The following ZNF569 variants were observed in gnomAD, a reference collection of about 807,000 sequenced individuals.
ZNF569 encodes the protein DNA-binding protein.
ZNF569 carries 38 observed loss-of-function variants against 56.3 expected under a neutral mutation model. The observed-to-expected ratio is 0.68, with a 90% CI of 0.52 to 0.88. ZNF569 has a LOEUF of 0.88. Ranked by LOEUF, ZNF569 falls within the 40% of genes least tolerant of loss-of-function variation. ZNF569 has a pLI of 0.00. For synonymous variants in ZNF569, 241 were observed against 262.9 expected (o/e 0.92, Z 0.81); for missense variants, 666 against 809.2 (o/e 0.82, Z 2.15).
chr19:37,467,510 T>C, upstream of ZNF569: 1 of 257,834 alleles, frequency 3.9e-6, no homozygotes, highest in South Asian at 9.9e-5. Flanking sequence ...AAAAAGGCAC[T>C]TCCTTCTTAC....
At chr19:37,427,807 T>C (rs548976776) in intron 3 of ZNF569, 1 of 517,548 alleles carries the variant, frequency 1.9e-6, no homozygotes, top group African/African-American at 1.9e-5. Context: ...GGGAGGAAGA[T>C]CCAAATAAGC....
intron 3 of ZNF569, among the ~76,000 whole-genome samples, chr19:37,427,049 G>A (rs771567172): frequency 1.2e-4 from 19 of 152,188 alleles, no homozygotes; most frequent in Non-Finnish European, 2.5e-4. Context: ...GGTATTACAT[G>A]GCTCATGCCT....
chr19:37,446,567 A>AAAAAAG lies in ZNF569; in HGVS notation c.-43-1604_-43-1603insCTTTTT, dbSNP rs1555839149. On this transcript the variant is annotated intron_variant, in intron 2 of 5. Transcript: ENST00000316950. ...TCCATCTCAAAAAAAAAAAAAAAAA[A>AAAAAAG]AAGAATGAAACTGGATCCTTATCTC... Among the ~76,000 whole-genome samples, 48 of 141,022 alleles carry AAAAAAG rather than the reference A, an allele frequency of 3.4e-4. 2 individuals carry two copies. Among genetic ancestry groups the AAAAAAG allele is most frequent in the African/African-American group, 8.0e-4 (29 of 36,390 alleles). 92.5% of individuals were successfully genotyped at this position (141,022 alleles called of 152,430 possible).
chr19:37,412,610 A>G lies in ZNF569; in HGVS notation c.2048T>C (p.Ile683Thr), dbSNP rs185322186. Reference sequence around the variant, plus strand: ...TTCATAGGGTTTCTAATGAGTATGAATTCTCTGGTGTCTAACAAGGTGCGA... The same window carrying G: ...TTCATAGGGTTTCTAATGAGTATGAGTTCTCTGGTGTCTAACAAGGTGCGA... ...QKSHLVRHQR[I>T]HTH is the part of the protein sequence containing the mutation. The change falls in exon 6 of 6, where the codon ATT (isoleucine) becomes ACT (threonine). Residue 683 changes from isoleucine (I) to threonine (T), a missense_variant. Ile to Thr is a moderately conservative substitution (Grantham distance 89). Coordinates refer to ENST00000316950, the MANE Select transcript of ZNF569 (RefSeq NM_152484.3). The G allele has an allele frequency of 1.2e-4, 189 of 1,600,164 alleles. 1 individual carries two copies. In the Middle Eastern group the frequency reaches 1.3e-3, roughly 11 times the overall value.
At chr19:37,434,224 C>T (rs1019163826) in intron 3 of ZNF569, among the ~76,000 whole-genome samples, 9 of 150,866 alleles carry the variant, frequency 6.0e-5, no homozygotes, top group South Asian at 2.1e-4. Flanking sequence ...CGCTTGAACC[C>T]GGGAGGCAGA....
At position 37,414,324 on chromosome 19, in the gene ZNF569, C is replaced by T. The variant is rs1438190869; in HGVS notation, c.334G>A (p.Gly112Ser). The T allele has an allele frequency of 1.2e-6, 2 of 1,613,304 alleles. No individual in the cohort carries two copies. Among genetic ancestry groups the T allele is most frequent in the Non-Finnish European group, 1.7e-6 (2 of 1,179,720 alleles). ...KFQKTLTEEK[G>S]NECQKKFANV... is the part of the protein sequence containing the mutation. ...GCAAATTTCTTTTGACATTCATTGCCTTTTTCTTCAGTCAGTGTTTTCTGG... is the reference window on the plus strand; with the variant it reads ...GCAAATTTCTTTTGACATTCATTGCTTTTTTCTTCAGTCAGTGTTTTCTGG... The change falls in exon 6 of 6, where the codon GGC becomes AGC. Residue 112 changes from glycine to serine, a missense_variant. Coordinates refer to ENST00000316950, the MANE Select transcript of ZNF569 (RefSeq NM_152484.3).
chr19:37,440,871 A>G (rs1233357971), intron 3 of ZNF569, among the ~76,000 whole-genome samples: 1 of 152,210 alleles, frequency 6.6e-6, no homozygotes, highest in Non-Finnish European at 1.5e-5. Context: ...GCAACAAAAG[A>G]ACAAATAAAT....
upstream of ZNF569, among the ~76,000 whole-genome samples, chr19:37,468,801 A>G (rs1356221559): frequency 6.6e-6 from 1 of 152,188 alleles, no homozygotes. Flanking sequence ...CCACCGTGCC[A>G]GGCTGAGGGT....
chr19:37,459,729 T>A (rs2146972562), intron 2 of ZNF569, among the ~76,000 whole-genome samples: 1 of 152,264 alleles, frequency 6.6e-6, no homozygotes, highest in South Asian at 2.1e-4. Flanking sequence ...AAGGCTATAA[T>A]GATAACAATG....
intron 2 of ZNF569, among the ~76,000 whole-genome samples, chr19:37,464,261 C>T (rs960736471): frequency 1.6e-4 from 24 of 152,170 alleles, no homozygotes; most frequent in African/African-American, 5.8e-4. Context: ...GCAATCTCAG[C>T]TCAATGCAAG....
At chr19:37,437,826 C>CA (rs1285001027) in intron 3 of ZNF569, among the ~76,000 whole-genome samples, 23 of 132,502 alleles carry the variant, frequency 1.7e-4, no homozygotes, top group Admixed American at 6.0e-4. Context: ...AGAGGACACA[C>CA]ACAAAAAAAT....
intron 2 of ZNF569, chr19:37,455,015 A>G: frequency 1.8e-6 from 1 of 564,742 alleles, no homozygotes. Context: ...GTACGGTAGA[A>G]GTTTGTAGTT....
intron 2 of ZNF569, among the ~76,000 whole-genome samples, chr19:37,451,559 C>T (rs1454138422): frequency 6.6e-6 from 1 of 152,058 alleles, no homozygotes; most frequent in East Asian, 1.9e-4. Context: ...TATTGTATTG[C>T]TGTATATTTC....
chr19:37,464,048 AAT>A (rs2041794593), intron 2 of ZNF569, among the ~76,000 whole-genome samples: 1 of 152,150 alleles, frequency 6.6e-6, no homozygotes, highest in African/African-American at 2.4e-5. Flanking sequence ...AAAAAAGAAA[AAT>A]GTTTTTATAA....
rs368461328 is a variant in ZNF569, at chr19:37,424,991, G to A, written c.238+877C>T. Among the ~76,000 whole-genome samples the A allele has an allele frequency of 4.6e-5, 7 of 150,934 alleles. No individual in the cohort carries two copies. The South Asian group carries it at 6.3e-4, about 14-fold the overall frequency. On this transcript the variant is annotated intron_variant, in intron 5 of 5. Coordinates refer to ENST00000316950, the MANE Select transcript of ZNF569 (RefSeq NM_152484.3). ...AAAAATTAGCAGGGTGTGGTGGCAC[G>A]TGCCTGTAGTCCCAGCTATCAGGAG...
At chr19:37,442,608 T>C (rs976299341) in intron 3 of ZNF569, among the ~76,000 whole-genome samples, 1 of 152,138 alleles carries the variant, frequency 6.6e-6, no homozygotes, top group East Asian at 1.9e-4. Context: ...GAATGGACTA[T>C]AGATGGTCAG....
intron 5 of ZNF569, among the ~76,000 whole-genome samples, chr19:37,416,044 G>A (rs1421846322): frequency 6.6e-6 from 1 of 151,790 alleles, no homozygotes; most frequent in East Asian, 1.9e-4. Flanking sequence ...ACCAGACTGA[G>A]CAACATGGCA....
intron 5 of ZNF569, among the ~76,000 whole-genome samples, chr19:37,425,147 C>A (rs2041105702): frequency 6.6e-6 from 1 of 151,684 alleles, no homozygotes; most frequent in African/African-American, 2.4e-5. Context: ...TACATGCTTT[C>A]TGAAAATATA....
intron 2 of ZNF569, among the ~76,000 whole-genome samples, chr19:37,461,976 G>A (rs2041763895): frequency 6.6e-6 from 1 of 152,090 alleles, no homozygotes. Flanking sequence ...CATTAAGTGG[G>A]TCTTTGATGG....
Sources: allele counts gnomAD v4.1 joint callset (sites outside exome capture counted in the v4.1 genomes callset), GRCh38; gene constraint gnomAD v4.1.1; transcripts MANE v1.5; gene names NCBI Gene and HGNC (gene_info 2026-07-23, HGNC 2026-07-21).